Variants in CFAP221 observed in about 807,000 individuals in gnomAD.
CFAP221 encodes cilia- and flagella-associated protein 221.
A neutral mutation model predicts 113.1 loss-of-function variants in CFAP221; 97 were observed. The ratio of observed to expected loss-of-function variants is 0.86; its 90% CI spans 0.73 to 1.02. CFAP221 has a LOEUF of 1.02. CFAP221 is among the 50% of genes least tolerant of loss of function. The pLI, the probability that CFAP221 is intolerant of heterozygous loss-of-function variation, is 0.00. For missense variants in CFAP221, 1,025 were observed against 1,013.4 expected, an observed-to-expected ratio of 1.01 and a Z score of -0.16; for synonymous variants, 331 against 354.4, an observed-to-expected ratio of 0.93 and a Z score of 0.74.
intron 13 of CFAP221, among the ~76,000 whole-genome samples, chr2:119,613,125 C>T (rs1685293909): frequency 2.0e-5 from 3 of 152,240 alleles, no homozygotes; most frequent in Non-Finnish European, 2.9e-5. Flanking sequence ...CCACGTCATG[C>T]TGATGCAAGG....
chr2:119,580,000 A>C (rs1308296086), intron 6 of CFAP221, among the ~76,000 whole-genome samples: 1 of 152,150 alleles, frequency 6.6e-6, no homozygotes, highest in Non-Finnish European at 1.5e-5. Flanking sequence ...TCAACACTTC[A>C]CATCGCGCAT....
chr2:119,568,172 T>G (rs113144574), intron 6 of CFAP221, among the ~76,000 whole-genome samples: 1 of 152,230 alleles, frequency 6.6e-6, no homozygotes, highest in Non-Finnish European at 1.5e-5. Context: ...CTGTGACTAT[T>G]TGAACGTATA....
chr2:119,615,209 C>T (rs1685442626), intron 13 of CFAP221, among the ~76,000 whole-genome samples: 1 of 152,228 alleles, frequency 6.6e-6, no homozygotes, highest in Non-Finnish European at 1.5e-5. Flanking sequence ...TGGGACAATA[C>T]ATGTGTCAGC....
At chr2:119,616,361 T>C (rs1685527360) in intron 14 of CFAP221, among the ~76,000 whole-genome samples, 1 of 152,220 alleles carries the variant, frequency 6.6e-6, no homozygotes, top group Admixed American at 6.5e-5. Flanking sequence ...TTGATGAAAG[T>C]TTCAGTTGTT....
intron 7 of CFAP221, among the ~76,000 whole-genome samples, chr2:119,591,424 A>C (rs1401642532): frequency 6.6e-6 from 1 of 152,204 alleles, no homozygotes; most frequent in African/African-American, 2.4e-5. Context: ...CCTGGTGCTC[A>C]ATATACCCTT....
intron 19 of CFAP221, among the ~76,000 whole-genome samples, chr2:119,632,617 T>A (rs1301433684): frequency 7.0e-6 from 1 of 143,008 alleles, no homozygotes; most frequent in East Asian, 2.0e-4. Context: ...TTCAGGATTA[T>A]AAGTATAGCC....
chr2:119,630,107 C>T, intron 17 of CFAP221, 152 bp downstream of exon 17: 2 of 686,910 alleles, frequency 2.9e-6, no homozygotes, highest in Non-Finnish European at 4.8e-6. Context: ...ATGGGAGGTA[C>T]AGCAGATTCT....
At chr2:119,610,486 T>C (rs922650061) in intron 12 of CFAP221, among the ~76,000 whole-genome samples, 1 of 152,172 alleles carries the variant, frequency 6.6e-6, no homozygotes, top group Admixed American at 6.5e-5. Context: ...AATAAAGATA[T>C]AATAAATCTC....
At chr2:119,560,372 G>A (rs147763644) in intron 5 of CFAP221, among the ~76,000 whole-genome samples, 1 of 152,282 alleles carries the variant, frequency 6.6e-6, no homozygotes, top group Admixed American at 6.5e-5. Context: ...TAAATGCTAG[G>A]TTGAAAAATT....
At chr2:119,562,618 C>T (rs957181538) in intron 6 of CFAP221, among the ~76,000 whole-genome samples, 3 of 152,174 alleles carry the variant, frequency 2.0e-5, no homozygotes, top group African/African-American at 4.8e-5. Flanking sequence ...GTTTTGGAGA[C>T]AAAGGCAAAG....
intron 8 of CFAP221, chr2:119,602,676 A>G (rs1028765397): frequency 1.0e-6 from 1 of 985,288 alleles, no homozygotes; most frequent in Non-Finnish European, 1.2e-6. Flanking sequence ...CCTGCAAATA[A>G]CCATCATTGA....
chr2:119,630,686 C>T lies in CFAP221; in HGVS notation c.1839+9C>T, dbSNP rs371864181. On this transcript the variant is annotated intron_variant, in intron 18 of 23. Coordinates refer to ENST00000413369, the MANE Select transcript of CFAP221 (RefSeq NM_001271049.2). ...TAAAGCAAGGAGCTGAGGTAACACA[C>T]CCCCATCTTCCAGAATCTCTCTCAT... 9.3e-6 allele frequency: 15 copies of T among 1,606,370 alleles called. No homozygotes were observed. Among genetic ancestry groups the T allele is most frequent in the Middle Eastern group, 1.6e-4 (1 of 6,074 alleles).
intron 13 of CFAP221, among the ~76,000 whole-genome samples, chr2:119,615,082 T>C (rs1388421524): frequency 3.3e-5 from 5 of 152,234 alleles, no homozygotes; most frequent in African/African-American, 1.2e-4. Flanking sequence ...AATTTCCTTA[T>C]TCAAGAACCT....
At chr2:119,556,760 C>A (rs930948172) in intron 3 of CFAP221, among the ~76,000 whole-genome samples, 1 of 152,014 alleles carries the variant, frequency 6.6e-6, no homozygotes, top group African/African-American at 2.4e-5. Flanking sequence ...CCATGTTGGC[C>A]AGACTGGTCT....
intron 14 of CFAP221, among the ~76,000 whole-genome samples, chr2:119,624,589 T>C (rs1276424660): frequency 6.6e-6 from 1 of 152,232 alleles, no homozygotes; most frequent in Non-Finnish European, 1.5e-5. Context: ...ATTGCAGCAC[T>C]ATTCACAATA....
chr2:119,639,517 C>T (rs1687347682), intron 20 of CFAP221, among the ~76,000 whole-genome samples: 1 of 152,234 alleles, frequency 6.6e-6, no homozygotes, highest in Non-Finnish European at 1.5e-5. Flanking sequence ...CAGCTGCCCT[C>T]CATCCCGAGG....
chr2:119,582,304 A>C (rs1682900852), intron 6 of CFAP221, among the ~76,000 whole-genome samples: 1 of 152,306 alleles, frequency 6.6e-6, no homozygotes, highest in Non-Finnish European at 1.5e-5. Context: ...TTGTTGTTTA[A>C]GCTAAAACTA....
intron 6 of CFAP221, among the ~76,000 whole-genome samples, chr2:119,579,214 T>C (rs1682676995): frequency 6.7e-6 from 1 of 150,068 alleles, no homozygotes; most frequent in Non-Finnish European, 1.5e-5. Flanking sequence ...TGCCTTAATA[T>C]TTTAGTTGCC....
intron 6 of CFAP221, among the ~76,000 whole-genome samples, chr2:119,579,491 T>A (rs1240722325): frequency 6.6e-6 from 1 of 152,226 alleles, no homozygotes; most frequent in East Asian, 1.9e-4. Flanking sequence ...GGACTGTCTT[T>A]GATTTATGAT....
Sources: gnomAD v4.1 joint callset for allele counts (sites outside exome capture counted in the v4.1 genomes callset) on GRCh38, gnomAD v4.1.1 for gene constraint, MANE v1.5 for transcripts, NCBI Gene and HGNC (gene_info 2026-07-23, HGNC 2026-07-21) for gene names.